The following TMEM196 variants were observed in gnomAD, a reference collection of about 807,000 sequenced individuals.
The protein encoded by TMEM196 is transmembrane protein 196.
In TMEM196, 17 loss-of-function variants were observed where a neutral mutation model predicts 20.0. The observed-to-expected ratio is 0.85, with a 90% CI of 0.58 to 1.27. TMEM196 has a LOEUF of 1.27. TMEM196 is among the 50% of genes most tolerant of loss of function. TMEM196 has a pLI of 0.00. For synonymous variants in TMEM196, 113 were observed against 88.9 expected (o/e 1.27, Z -1.52); for missense variants, 267 against 223.0 (o/e 1.20, Z -1.26).
chr7:19,742,031 G>A (rs1029570139), intron 1 of TMEM196, among the ~76,000 whole-genome samples: 2 of 151,980 alleles, frequency 1.3e-5, no homozygotes, highest in Non-Finnish European at 2.9e-5. Flanking sequence ...CCCCTTTTTA[G>A]CCTTGATGCA....
intron 1 of TMEM196, among the ~76,000 whole-genome samples, chr7:19,747,962 T>A (rs189782607): frequency 3.5e-4 from 53 of 152,308 alleles, no homozygotes; most frequent in Admixed American, 2.6e-3. Flanking sequence ...TAGCTCCCAA[T>A]TAATTAACAA....
intron 1 of TMEM196, among the ~76,000 whole-genome samples, chr7:19,743,159 C>A (rs992555463): frequency 1.3e-5 from 2 of 152,094 alleles, no homozygotes; most frequent in Non-Finnish European, 2.9e-5. Flanking sequence ...CTTTTAAGTT[C>A]TTTAAGCTTT....
At chr7:19,725,372 A>T (rs1783956967) in intron 3 of TMEM196, 142 bp downstream of exon 3, 20 of 1,112,938 alleles carry the variant, frequency 1.8e-5, no homozygotes, top group Admixed American at 3.2e-5. Flanking sequence ...ATAAAATAAA[A>T]TTTCTATTCT....
At chr7:19,733,897 A>T (rs1422610364) in intron 1 of TMEM196, among the ~76,000 whole-genome samples, 1 of 152,172 alleles carries the variant, frequency 6.6e-6, no homozygotes, top group Non-Finnish European at 1.5e-5. Flanking sequence ...ACTGGTTGAC[A>T]ACAACAAAAC....
chr7:19,745,709 C>G lies in TMEM196; in HGVS notation c.148-16271G>C, dbSNP rs116047849. On this transcript the variant is annotated intron_variant, in intron 1 of 4. Transcript: ENST00000405844. The stretch of plus-strand genomic sequence containing the variant: ...CTGGTGCATAATTCATCTAATATGC[C>G]GGCCCTGTTCCATCCCACATCCTGT... 2.4e-3 allele frequency among the ~76,000 whole-genome samples: 353 copies of G among 147,332 alleles called. 3 individuals carry two copies. Among genetic ancestry groups the G allele is most frequent in the African/African-American group, 8.6e-3 (342 of 39,678 alleles).
intron 1 of TMEM196, among the ~76,000 whole-genome samples, chr7:19,743,325 C>T (rs141325414): frequency 2.0e-5 from 3 of 152,108 alleles, no homozygotes; most frequent in African/African-American, 7.2e-5. Context: ...TCTCACCCAA[C>T]TTTTTCTGTC....
At position 19,772,832 on chromosome 7, in the gene TMEM196, C is replaced by G; in HGVS notation, c.-136G>C. 1.2e-6 allele frequency: 1 copy of G among 868,480 alleles called. No homozygotes were observed. Among genetic ancestry groups the G allele is most frequent in the Non-Finnish European group, 1.6e-6 (1 of 640,560 alleles). The allele number at this position is 868,480 out of a possible 1,614,324, so 53.8% of individuals were successfully genotyped here. A position where few individuals can be genotyped will look rare whatever the true frequency, so the allele number is the denominator to read the frequency against. ...TCTTTCTTCAAGAGCGAGGCATTAT[C>G]CACAAGGGCTGGATTTCCAGAAACG... is the stretch of plus-strand genomic sequence containing the variant. On this transcript the variant is annotated 5_prime_UTR_variant, in exon 1 of 5. Coordinates refer to ENST00000405844, the MANE Select transcript of TMEM196 (RefSeq NM_001363562.2).
chr7:19,752,419 C>T (rs1583447411), intron 1 of TMEM196, among the ~76,000 whole-genome samples: 3 of 152,104 alleles, frequency 2.0e-5, no homozygotes, highest in African/African-American at 7.2e-5. Context: ...TTTATATCCA[C>T]AGTGAAATTT....
At chr7:19,740,356 A>C (rs1583432605) in intron 1 of TMEM196, among the ~76,000 whole-genome samples, 1 of 152,154 alleles carries the variant, frequency 6.6e-6, no homozygotes, top group Non-Finnish European at 1.5e-5. Flanking sequence ...AAAAACAAGA[A>C]ACAAATGGCT....
chr7:19,772,589 G>C lies in TMEM196; in HGVS notation c.108C>G (p.Ala36=). 3 of 1,546,356 alleles carry C rather than the reference G, an allele frequency of 1.9e-6. No individual in the cohort carries two copies. The highest frequency in any genetic ancestry group is 2.6e-6 in the Non-Finnish European group (3 of 1,145,570). Residue 36 remains alanine, a synonymous_variant, in exon 1 of 5, where the codon GCC becomes GCG. Coordinates refer to ENST00000405844, the MANE Select transcript of TMEM196 (RefSeq NM_001363562.2). Reference sequence around the variant, plus strand: ...CGAGCTGCGGCTTGTGCTCTCGGAGGGCCAGGCTGAAGCTGACCGCCCCCA... The same window carrying C: ...CGAGCTGCGGCTTGTGCTCTCGGAGCGCCAGGCTGAAGCTGACCGCCCCCA... ...VAVGAVSFSL[A]LREHKPQLGD...
chr7:19,755,581 AG>A (rs1190829077), intron 1 of TMEM196, among the ~76,000 whole-genome samples: 1 of 152,214 alleles, frequency 6.6e-6, no homozygotes, highest in East Asian at 1.9e-4. Context: ...AAATAATTTA[AG>A]GGTTCATTTT....
chr7:19,771,005 A>C (rs1440135633), intron 1 of TMEM196, among the ~76,000 whole-genome samples: 1 of 152,116 alleles, frequency 6.6e-6, no homozygotes, highest in East Asian at 1.9e-4. Flanking sequence ...TTAAGATATC[A>C]TAAGATCACC....
chr7:19,737,642 T>TA (rs1384359248), intron 1 of TMEM196, among the ~76,000 whole-genome samples: 3 of 151,828 alleles, frequency 2.0e-5, no homozygotes, highest in East Asian at 3.9e-4. Context: ...TATTTCTATA[T>TA]AAAAAAGGCT....
At chr7:19,731,552 A>G (rs909470811) in intron 1 of TMEM196, among the ~76,000 whole-genome samples, 1 of 152,220 alleles carries the variant, frequency 6.6e-6, no homozygotes, top group African/African-American at 2.4e-5. Flanking sequence ...TTTCATCCTG[A>G]AAGTCCCATT....
intron 1 of TMEM196, among the ~76,000 whole-genome samples, chr7:19,765,994 G>T (rs1785611972): frequency 6.6e-6 from 1 of 152,156 alleles, no homozygotes; most frequent in African/African-American, 2.4e-5. Flanking sequence ...CCAGCAGAGA[G>T]AAAGCAGCAG....
intron 1 of TMEM196, among the ~76,000 whole-genome samples, chr7:19,737,212 G>A (rs1051286364): frequency 2.0e-5 from 3 of 151,884 alleles, no homozygotes; most frequent in Admixed American, 1.3e-4. Context: ...ACATAAAAAA[G>A]ATAGTCAACA....
chr7:19,743,486 A>G (rs962364018), intron 1 of TMEM196, among the ~76,000 whole-genome samples: 2 of 152,128 alleles, frequency 1.3e-5, no homozygotes, highest in African/African-American at 4.8e-5. Flanking sequence ...GTTTGTATCA[A>G]TTTTATAATA....
At chr7:19,726,974 T>A (rs188939146) in intron 2 of TMEM196, among the ~76,000 whole-genome samples, 20 of 152,304 alleles carry the variant, frequency 1.3e-4, no homozygotes, top group African/African-American at 3.8e-4. Flanking sequence ...CTTAGACTCA[T>A]GGATGAAAGG....
rs1481749737 is a variant in TMEM196 at position 19,720,971 on chromosome 7, G to A, written c.*1157C>T. On this transcript the variant is annotated 3_prime_UTR_variant, in exon 5 of 5. Transcript: ENST00000405844. ...AAGTCATGATATCTTTATAAATACGGAAGTATGTCATTAAAGTCATGTTCG... is the reference window on the plus strand; with the variant it reads ...AAGTCATGATATCTTTATAAATACGAAAGTATGTCATTAAAGTCATGTTCG... 1.3e-5 allele frequency: 2 copies of A among 151,752 alleles called. No individual in the cohort carries two copies. Among genetic ancestry groups the A allele is most frequent in the African/African-American group, 4.8e-5 (2 of 41,384 alleles). The allele number at this position is 151,752 out of a possible 1,614,324, so 9.4% of individuals were successfully genotyped here.
Sources: gnomAD v4.1 joint callset for allele counts (sites outside exome capture counted in the v4.1 genomes callset) on GRCh38, gnomAD v4.1.1 for gene constraint, MANE v1.5 for transcripts, NCBI Gene and HGNC (gene_info 2026-07-23, HGNC 2026-07-21) for gene names.